The following CACNB2 variants were observed in gnomAD, a reference collection of about 807,000 sequenced individuals.
The protein encoded by CACNB2 is voltage-dependent L-type calcium channel subunit beta-2.
A neutral mutation model predicts 73.3 loss-of-function variants in CACNB2; 42 were observed. The ratio of observed to expected loss-of-function variants is 0.57; its 90% CI spans 0.45 to 0.74. The LOEUF (loss-of-function observed/expected upper bound fraction) is 0.74, where lower values mean the gene tolerates loss of function less well. CACNB2 is among the 30% of genes least tolerant of loss of function. The pLI, the probability that CACNB2 is intolerant of heterozygous loss-of-function variation, is 0.00. For synonymous variants in CACNB2, 348 were observed against 310.3 expected (o/e 1.12, Z -1.28); for missense variants, 940 against 853.0 (o/e 1.10, Z -1.27).
intron 2 of CACNB2, among the ~76,000 whole-genome samples, chr10:18,325,606 TTCTTTCTTTCCTTTC>T (rs1334974453): frequency 6.6e-6 from 1 of 151,868 alleles, no homozygotes; most frequent in Non-Finnish European, 1.5e-5. Context: ...TCTGTCTTTT[TTCTTTCTTTCCTTTC>T]TCTTTCTTTC....
intron 2 of CACNB2, among the ~76,000 whole-genome samples, chr10:18,177,587 AAAG>A (rs919953453): frequency 1.7e-4 from 26 of 152,182 alleles, no homozygotes; most frequent in African/African-American, 2.4e-4. Flanking sequence ...TCAAAAAAAA[AAAG>A]AAGAAGAAGA....
At chr10:18,246,946 GT>G (rs1189148545) in intron 2 of CACNB2, among the ~76,000 whole-genome samples, 1 of 152,106 alleles carries the variant, frequency 6.6e-6, no homozygotes, top group Non-Finnish European at 1.5e-5. Flanking sequence ...CGAATAAGTA[GT>G]TTTTTAAGCC....
At chr10:18,414,084 G>A (rs1317708266) in intron 3 of CACNB2, among the ~76,000 whole-genome samples, 1 of 152,246 alleles carries the variant, frequency 6.6e-6, no homozygotes, top group African/African-American at 2.4e-5. Flanking sequence ...TCCAGGGACT[G>A]CAGAGCTGCC....
At chr10:18,390,058 G>C (rs12780039) in intron 2 of CACNB2, among the ~76,000 whole-genome samples, 12,987 of 152,194 alleles carry the variant, frequency 0.085, 656 homozygotes, top group Non-Finnish European at 0.11. Context: ...TAGTTCCCTG[G>C]AGAACACAGA....
intron 3 of CACNB2, among the ~76,000 whole-genome samples, chr10:18,458,688 A>C (rs1179064611): frequency 6.6e-6 from 1 of 152,166 alleles, no homozygotes; most frequent in East Asian, 1.9e-4. Flanking sequence ...TTAGCATCCT[A>C]ACTGCAATGG....
At chr10:18,261,001 T>C in intron 2 of CACNB2, 1 of 1,390,060 alleles carries the variant, frequency 7.2e-7, no homozygotes, top group South Asian at 1.5e-5. Flanking sequence ...TCTTGTAGAT[T>C]TTTGCAAATA....
chr10:18,438,351 A>G (rs185577372), intron 3 of CACNB2, among the ~76,000 whole-genome samples: 28 of 151,574 alleles, frequency 1.8e-4, no homozygotes, highest in Admixed American at 1.1e-3. Context: ...TTTATTTCCA[A>G]CCACTGCTAA....
rs199734377 is a variant in CACNB2, at chr10:18,479,417, T to TA, written c.334-18929dup. ...CTAGTTAGATGACTTTTGAGAACCA[T>TA]AAAAAAAAACTTAAGAGAACTTCTG... On this transcript the variant is annotated intron_variant, in intron 3 of 13. Coordinates refer to ENST00000324631, the MANE Select transcript of CACNB2 (RefSeq NM_201596.3). Among the ~76,000 whole-genome samples, 45 of 151,360 alleles carry TA rather than the reference T, an allele frequency of 3.0e-4. No homozygotes were observed. The East Asian group carries it at 3.7e-3, about 12-fold the overall frequency.
chr10:18,347,673 G>C (rs1408382453), intron 2 of CACNB2, among the ~76,000 whole-genome samples: 1 of 151,998 alleles, frequency 6.6e-6, no homozygotes, highest in Non-Finnish European at 1.5e-5. Flanking sequence ...TCTGAGAATA[G>C]CTGTCCCTAG....
At chr10:18,400,871 C>G in intron 2 of CACNB2, 1 of 1,521,126 alleles carries the variant, frequency 6.6e-7, no homozygotes, top group Non-Finnish European at 8.8e-7. Flanking sequence ...TGGGAGTCCT[C>G]TGGGGCAGGG....
chr10:18,220,477 G>T (rs1197133892), intron 2 of CACNB2, among the ~76,000 whole-genome samples: 1 of 151,274 alleles, frequency 6.6e-6, no homozygotes, highest in African/African-American at 2.4e-5. Context: ...GGCCAGGCTG[G>T]GCTCATAATC....
rs554670417 is a variant in CACNB2 at position 18,356,817 on chromosome 10, G to T, written c.214-45107G>T. On this transcript the variant is annotated intron_variant, in intron 2 of 13. Transcript: ENST00000324631. ...GCTAATTTTTTTATATTTTGTAGGG[G>T]TGAGGTTTCCCCATGTTGCCCAGGC... 2.8e-4 allele frequency among the ~76,000 whole-genome samples: 42 copies of T among 151,800 alleles called. No individual in the cohort carries two copies. The South Asian group carries it at 8.5e-3, about 31-fold the overall frequency.
intron 3 of CACNB2, among the ~76,000 whole-genome samples, chr10:18,459,975 G>A (rs1281328862): frequency 1.3e-5 from 2 of 152,152 alleles, no homozygotes; most frequent in African/African-American, 4.8e-5. Flanking sequence ...TCCAGCCTGG[G>A]CAACAGAGCG....
intron 3 of CACNB2, among the ~76,000 whole-genome samples, chr10:18,420,912 G>T (rs748919152): frequency 2.6e-5 from 4 of 152,128 alleles, no homozygotes; most frequent in African/African-American, 9.7e-5. Flanking sequence ...GTTTATGCCT[G>T]AAAATAATAC....
intron 2 of CACNB2, among the ~76,000 whole-genome samples, chr10:18,192,926 A>G (rs890043886): frequency 3.3e-5 from 5 of 152,188 alleles, no homozygotes; most frequent in South Asian, 2.1e-4. Context: ...CCTTTTGGCT[A>G]TTGTGAATTG....
rs540932587 is a variant in CACNB2 at position 18,394,683 on chromosome 10, A to G, written c.214-7241A>G. Among the ~76,000 whole-genome samples, 4 of 152,318 alleles carry G rather than the reference A, an allele frequency of 2.6e-5. No individual in the cohort carries two copies. The East Asian group carries it at 5.8e-4, about 22-fold the overall frequency. On this transcript the variant is annotated intron_variant, in intron 2 of 13. Transcript: ENST00000324631. ...AGTTTTCTCATCAGTAAAAATGAAG[A>G]TAATCGAAATTACATTAGGTAATAC...
intron 2 of CACNB2, among the ~76,000 whole-genome samples, chr10:18,366,283 G>C (rs1050277630): frequency 2.0e-5 from 3 of 151,618 alleles, no homozygotes; most frequent in African/African-American, 7.3e-5. Context: ...GGCTAACACG[G>C]TGAAACCCCG....
intron 3 of CACNB2, among the ~76,000 whole-genome samples, chr10:18,448,453 C>T (rs894197942): frequency 1.9e-4 from 23 of 118,632 alleles, no homozygotes; most frequent in African/African-American, 7.4e-4. Flanking sequence ...CTAGCCTAGG[C>T]GACAAGAGCA....
intron 2 of CACNB2, among the ~76,000 whole-genome samples, chr10:18,286,405 C>A (rs914511389): frequency 6.6e-6 from 1 of 151,396 alleles, no homozygotes; most frequent in Non-Finnish European, 1.5e-5. Flanking sequence ...GTAGTCCCAG[C>A]TACTCGGGAG....
Sources: gnomAD v4.1 joint callset for allele counts (sites outside exome capture counted in the v4.1 genomes callset) on GRCh38, gnomAD v4.1.1 for gene constraint, MANE v1.5 for transcripts, NCBI Gene and HGNC (gene_info 2026-07-23, HGNC 2026-07-21) for gene names.